Variants in NEGR1 observed in about 807,000 individuals in gnomAD.
NEGR1 encodes IgLON family member 4.
Under a neutral mutation model 40.9 loss-of-function variants are expected in NEGR1, and 10 were observed. The observed-to-expected ratio is 0.24, with a 90% confidence interval of 0.15 to 0.42. The LOEUF (loss-of-function observed/expected upper bound fraction) is 0.42, where lower values mean the gene tolerates loss of function less well. Ranked by LOEUF, NEGR1 falls within the 10% of genes least tolerant of loss-of-function variation. The pLI is 1.00. For missense variants in NEGR1, 352 were observed against 438.9 expected (o/e 0.80, Z 1.77); for synonymous variants, 185 against 166.8 (o/e 1.11, Z -0.84).
Position 72,120,947 on chromosome 1 carries a change from C to T in NEGR1, c.176+161372G>A, listed in dbSNP as rs553756593. Among the ~76,000 whole-genome samples, 5 of 152,038 alleles carry T rather than the reference C, an allele frequency of 3.3e-5. No individual in the cohort carries two copies. The South Asian group carries it at 6.2e-4, about 19-fold the overall frequency. On this transcript the variant is annotated intron_variant, in intron 1 of 6. Coordinates refer to ENST00000357731, the MANE Select transcript of NEGR1 (RefSeq NM_173808.3). The stretch of plus-strand genomic sequence containing the variant: ...AAAAAAAGGATCAGTAATGAAGGTG[C>T]CAACACTCAGTAAGACACAATTCAC...
At chr1:72,129,270 ATC>A (rs1190852217) in intron 1 of NEGR1, among the ~76,000 whole-genome samples, 3 of 152,226 alleles carry the variant, frequency 2.0e-5, no homozygotes, top group African/African-American at 7.2e-5. Context: ...TCATTAATAA[ATC>A]TGTTTCCAAA....
chr1:71,718,714 C>A (rs1236859236), intron 3 of NEGR1, among the ~76,000 whole-genome samples: 2 of 152,054 alleles, frequency 1.3e-5, no homozygotes, highest in South Asian at 4.1e-4. Flanking sequence ...AAAAGCCTGC[C>A]ATTTTTTTAA....
intron 3 of NEGR1, among the ~76,000 whole-genome samples, chr1:71,700,679 A>G (rs1653659276): frequency 1.3e-5 from 2 of 151,946 alleles, no homozygotes; most frequent in South Asian, 4.1e-4. Context: ...TTATTTCCTT[A>G]TAGTTCTTTA....
chr1:71,855,303 A>AT (rs571720503), intron 2 of NEGR1, among the ~76,000 whole-genome samples: 19 of 151,878 alleles, frequency 1.3e-4, no homozygotes, highest in South Asian at 4.2e-4. Context: ...AGGAAACTTC[A>AT]TTTTTTTTCA....
At chr1:72,038,346 G>A (rs940528818) in intron 1 of NEGR1, among the ~76,000 whole-genome samples, 1 of 151,970 alleles carries the variant, frequency 6.6e-6, no homozygotes, top group Non-Finnish European at 1.5e-5. Context: ...AGTTTAACAT[G>A]TTTAAGCTGA....
intron 2 of NEGR1, among the ~76,000 whole-genome samples, chr1:71,810,989 G>A (rs1405227193): frequency 6.6e-6 from 1 of 152,084 alleles, no homozygotes; most frequent in African/African-American, 2.4e-5. Context: ...TCTCAAATTT[G>A]CTTTTCCATA....
intron 1 of NEGR1, among the ~76,000 whole-genome samples, chr1:71,956,346 T>A (rs1017141579): frequency 2.6e-5 from 4 of 152,116 alleles, no homozygotes; most frequent in African/African-American, 9.7e-5. Context: ...TAGAAATATA[T>A]TCAACTTTAT....
At chr1:72,044,884 T>C (rs1646987584) in intron 1 of NEGR1, among the ~76,000 whole-genome samples, 1 of 151,848 alleles carries the variant, frequency 6.6e-6, no homozygotes, top group Non-Finnish European at 1.5e-5. Context: ...CCAGAAAGAA[T>C]AGAGGAAATT....
chr1:72,225,812 A>C (rs1013921225), intron 1 of NEGR1, among the ~76,000 whole-genome samples: 1 of 151,728 alleles, frequency 6.6e-6, no homozygotes, highest in Non-Finnish European at 1.5e-5. Flanking sequence ...AAACTACTTT[A>C]GGTAAGACTA....
At chr1:71,714,590 A>G (rs1180443695) in intron 3 of NEGR1, among the ~76,000 whole-genome samples, 1 of 152,194 alleles carries the variant, frequency 6.6e-6, no homozygotes, top group Non-Finnish European at 1.5e-5. Context: ...ACCATGGCAA[A>G]TGGGAGAAAT....
intron 5 of NEGR1, among the ~76,000 whole-genome samples, chr1:71,604,036 A>G (rs1158482621): frequency 6.6e-6 from 1 of 152,188 alleles, no homozygotes; most frequent in Admixed American, 6.5e-5. Flanking sequence ...AAATAGAGAG[A>G]TGCTCATACT....
chr1:71,583,050 T>C (rs988226173), intron 6 of NEGR1, among the ~76,000 whole-genome samples: 8 of 152,164 alleles, frequency 5.3e-5, no homozygotes, highest in African/African-American at 1.9e-4. Flanking sequence ...CTGTCTCTTT[T>C]GGTGATGATT....
At chr1:72,081,884 C>T (rs549030143) in intron 1 of NEGR1, among the ~76,000 whole-genome samples, 1 of 152,000 alleles carries the variant, frequency 6.6e-6, no homozygotes, top group Non-Finnish European at 1.5e-5. Context: ...CCTTAAGAGA[C>T]CTTACTAGAT....
chr1:71,524,583 G>GA (rs1159408326), intron 6 of NEGR1, among the ~76,000 whole-genome samples: 1 of 151,506 alleles, frequency 6.6e-6, no homozygotes, highest in African/African-American at 2.4e-5. Context: ...ATTAGATGTA[G>GA]AAAAAAGGAA....
intron 2 of NEGR1, among the ~76,000 whole-genome samples, chr1:71,867,158 G>C (rs1170993026): frequency 6.6e-6 from 1 of 152,196 alleles, no homozygotes; most frequent in African/African-American, 2.4e-5. Flanking sequence ...TTTGAGACTT[G>C]AGGTCAGGAG....
At chr1:72,120,689 T>C (rs1649767964) in intron 1 of NEGR1, among the ~76,000 whole-genome samples, 2 of 151,270 alleles carry the variant, frequency 1.3e-5, no homozygotes, top group Admixed American at 1.3e-4. Context: ...GTCCCCAGAG[T>C]GTGATATTCC....
At chr1:72,131,336 A>C (rs1433283702) in intron 1 of NEGR1, among the ~76,000 whole-genome samples, 2 of 152,192 alleles carry the variant, frequency 1.3e-5, no homozygotes, top group Non-Finnish European at 2.9e-5. Flanking sequence ...AGGATCTTAT[A>C]ATATTATAAT....
At chr1:71,815,848 A>G (rs1022738391) in intron 2 of NEGR1, among the ~76,000 whole-genome samples, 5 of 151,966 alleles carry the variant, frequency 3.3e-5, no homozygotes, top group Admixed American at 2.6e-4. Flanking sequence ...AATTTTCCCT[A>G]TCCATTTAAG....
chr1:71,807,110 A>G (rs997734499), intron 2 of NEGR1, among the ~76,000 whole-genome samples: 8 of 151,540 alleles, frequency 5.3e-5, no homozygotes, highest in Non-Finnish European at 1.0e-4. Flanking sequence ...GTTAGCCAGG[A>G]TGGTCTCAAT....
Sources: allele counts gnomAD v4.1 joint callset (sites outside exome capture counted in the v4.1 genomes callset), GRCh38; gene constraint gnomAD v4.1.1; transcripts MANE v1.5; gene names NCBI Gene and HGNC (gene_info 2026-07-23, HGNC 2026-07-21).